LINGO2: variants seen among roughly 807,000 people sequenced by gnomAD.
LINGO2 encodes the protein leucine-rich repeat and immunoglobulin-like domain-containing nogo receptor-interacting protein 2.
In LINGO2, 14 loss-of-function variants were observed where a neutral mutation model predicts 30.6. The ratio of observed to expected loss-of-function variants is 0.46; its 90% CI spans 0.30 to 0.72. The LOEUF is 0.72. Among genes scored for constraint, LINGO2 ranks in the 30% least tolerant of loss-of-function variants. The pLI is 0.07. For synonymous variants in LINGO2, 317 were observed against 288.5 expected (o/e 1.10, Z -1.00); for missense variants, 729 against 751.7 (o/e 0.97, Z 0.35).
chr9:28,775,806 G>A, the LINGO2 span, among the ~76,000 whole-genome samples: 1 of 152,056 alleles, frequency 6.6e-6, no homozygotes, highest in African/African-American at 2.4e-5. Context: ...TCTAAATTTG[G>A]GGAAAATATA....
chr9:28,463,724 T>A (rs138109872), intron 2 of LINGO2, among the ~76,000 whole-genome samples: 1 of 149,396 alleles, frequency 6.7e-6, no homozygotes, highest in East Asian at 2.0e-4. Context: ...AGATGAGCCA[T>A]TGAAGAGTTT....
chr9:28,432,047 C>T (rs371496122), intron 2 of LINGO2, among the ~76,000 whole-genome samples: 3 of 151,964 alleles, frequency 2.0e-5, no homozygotes, highest in Admixed American at 6.6e-5. Flanking sequence ...AATCAAAAAA[C>T]CATAATGTAA....
intron 1 of LINGO2, among the ~76,000 whole-genome samples, chr9:28,552,435 A>G (rs1019940567): frequency 3.9e-5 from 6 of 152,062 alleles, no homozygotes; most frequent in African/African-American, 1.4e-4. Context: ...AGAATCACGA[A>G]CACTTGGTCT....
At chr9:28,790,325 C>CTATTTTTTTT in the LINGO2 span, among the ~76,000 whole-genome samples, 1 of 106,300 alleles carries the variant, frequency 9.4e-6, no homozygotes, top group African/African-American at 3.9e-5. Context: ...TCTTTTCTTT[C>CTATTTTTTTT]TTTTTTTTTT....
At chr9:28,796,925 G>T in the LINGO2 span, among the ~76,000 whole-genome samples, 1 of 151,562 alleles carries the variant, frequency 6.6e-6, no homozygotes, top group African/African-American at 2.4e-5. Context: ...TTCTAAAATG[G>T]TGGCTGTGTG....
intron 1 of LINGO2, among the ~76,000 whole-genome samples, chr9:28,550,014 C>T (rs1420084415): frequency 1.3e-5 from 2 of 151,822 alleles, no homozygotes; most frequent in Non-Finnish European, 2.9e-5. Flanking sequence ...AATTGCCATT[C>T]ATTTTTAGAT....
chr9:28,769,362 G>A, the LINGO2 span, among the ~76,000 whole-genome samples: 1 of 144,958 alleles, frequency 6.9e-6, no homozygotes, highest in African/African-American at 2.5e-5. Context: ...TATTTTTAAT[G>A]TTCTTTATGT....
At chr9:28,918,945 T>C in the LINGO2 span, among the ~76,000 whole-genome samples, 2 of 152,208 alleles carry the variant, frequency 1.3e-5, no homozygotes, top group African/African-American at 4.8e-5. Flanking sequence ...GGAGAAAATA[T>C]GCCCCAAACA....
rs142745267 is a variant in LINGO2, at chr9:28,330,539, C to T, written c.-245-35173G>A. ...TCTCCATATCCCTAGACCCTAAGGGCTGTGCTTGGTACATGGTAGATGTTT... is the reference window on the plus strand; with the variant it reads ...TCTCCATATCCCTAGACCCTAAGGGTTGTGCTTGGTACATGGTAGATGTTT... On this transcript the variant is annotated intron_variant, in intron 3 of 5. Transcript: ENST00000379992. 6.2e-4 allele frequency among the ~76,000 whole-genome samples: 94 copies of T among 152,226 alleles called. No individual in the cohort carries two copies. In the East Asian group the frequency reaches 0.016, roughly 26 times the overall value.
the LINGO2 span, among the ~76,000 whole-genome samples, chr9:28,879,285 T>C: frequency 3.1e-4 from 47 of 152,240 alleles, no homozygotes; most frequent in South Asian, 7.9e-3. Flanking sequence ...CAAGGGTCTA[T>C]TCTAAAATGA....
intron 1 of LINGO2, among the ~76,000 whole-genome samples, chr9:28,549,192 T>C (rs1822131693): frequency 6.6e-6 from 1 of 152,118 alleles, no homozygotes; most frequent in Admixed American, 6.5e-5. Flanking sequence ...ATACATATCA[T>C]TGTTGTGTGT....
At chr9:27,948,266 C>G (rs1215515121) in exon 6 of LINGO2, 1 of 152,192 alleles carries the variant, frequency 6.6e-6, no homozygotes, top group Non-Finnish European at 1.5e-5. Flanking sequence ...TGAAATCACA[C>G]TTGGATCTAT....
the LINGO2 span, among the ~76,000 whole-genome samples, chr9:28,958,089 T>C: frequency 6.6e-6 from 1 of 152,160 alleles, no homozygotes; most frequent in Non-Finnish European, 1.5e-5. Context: ...TGCTCCTTCA[T>C]TGCTAATTGT....
chr9:28,535,677 A>T (rs1318909784), intron 1 of LINGO2, among the ~76,000 whole-genome samples: 3 of 152,056 alleles, frequency 2.0e-5, no homozygotes, highest in Admixed American at 1.3e-4. Flanking sequence ...ACACACACAT[A>T]TGTACACCAC....
intron 4 of LINGO2, among the ~76,000 whole-genome samples, chr9:28,198,016 G>A (rs1485608165): frequency 6.6e-6 from 1 of 151,668 alleles, no homozygotes; most frequent in Non-Finnish European, 1.5e-5. Flanking sequence ...TTACATAAAT[G>A]GGAGGGAAAA....
At chr9:29,119,895 T>A in the LINGO2 span, among the ~76,000 whole-genome samples, 1 of 152,144 alleles carries the variant, frequency 6.6e-6, no homozygotes, top group Non-Finnish European at 1.5e-5. Flanking sequence ...TTTTCAACCA[T>A]AATAACTTTA....
At chr9:27,999,819 T>TA (rs1821857797) in intron 5 of LINGO2, among the ~76,000 whole-genome samples, 1 of 152,106 alleles carries the variant, frequency 6.6e-6, no homozygotes, top group Non-Finnish European at 1.5e-5. Flanking sequence ...ATAGAGGTAA[T>TA]AAAAATCGTA....
intron 4 of LINGO2, among the ~76,000 whole-genome samples, chr9:28,122,895 C>G (rs1377478362): frequency 1.3e-5 from 2 of 152,124 alleles, no homozygotes; most frequent in Non-Finnish European, 2.9e-5. Context: ...AGGCAACATG[C>G]CTACTGCTGA....
intron 4 of LINGO2, among the ~76,000 whole-genome samples, chr9:28,128,915 T>C (rs1827310124): frequency 6.6e-6 from 1 of 152,192 alleles, no homozygotes; most frequent in Non-Finnish European, 1.5e-5. Context: ...TCAGTCTGCG[T>C]GGGCACCATC....
Sources: gnomAD v4.1 joint callset for allele counts (sites outside exome capture counted in the v4.1 genomes callset) on GRCh38, gnomAD v4.1.1 for gene constraint, MANE v1.5 for transcripts, NCBI Gene and HGNC (gene_info 2026-07-23, HGNC 2026-07-21) for gene names.